ZSWIM9: variants seen among roughly 807,000 people sequenced by gnomAD.
ZSWIM9 encodes uncharacterized protein ZSWIM9.
ZSWIM9 carries 11 observed loss-of-function variants against 25.0 expected under a neutral mutation model. That is an observed-to-expected ratio of 0.44 (90% CI 0.28 to 0.73). The LOEUF is 0.73. Ranked by LOEUF, ZSWIM9 falls within the 30% of genes least tolerant of loss-of-function variation. The probability of loss-of-function intolerance (pLI) is 0.16; values close to 1 mark genes in which losing one functional copy is unlikely to be tolerated. For missense variants in ZSWIM9, 1,070 were observed against 1,296.5 expected (o/e 0.83, Z 2.68); for synonymous variants, 562 against 582.1 (o/e 0.97, Z 0.50).
chr19:48,189,537 C>A (rs1400826473), intron 3 of ZSWIM9: 1 of 153,018 alleles, frequency 6.5e-6, no homozygotes. Context: ...TACTGCACTC[C>A]AGCCTGGGCG....
rs187994333 is a variant in ZSWIM9 at position 48,178,145 on chromosome 19, G to A, written c.276-4310G>A. On this transcript the variant is annotated intron_variant, in intron 2 of 3. Coordinates refer to ENST00000614654, the MANE Select transcript of ZSWIM9 (RefSeq NM_199341.4). ...ACTCCTGACCTCAAGTGATCCGCCCGCCTTGGCCTCCCAAAGTGCTGGGAT... is the reference window on the plus strand; with the variant it reads ...ACTCCTGACCTCAAGTGATCCGCCCACCTTGGCCTCCCAAAGTGCTGGGAT... 7.2e-5 allele frequency among the ~76,000 whole-genome samples: 11 copies of A among 152,282 alleles called. No individual in the cohort carries two copies. The East Asian group carries it at 9.7e-4, about 13-fold the overall frequency.
In ZSWIM9 at chr19:48,196,963, C is replaced by T; in HGVS notation, c.*136C>T. The T allele has an allele frequency of 2.1e-6, 2 of 939,530 alleles. No homozygotes were observed. Among genetic ancestry groups the T allele is most frequent in the Admixed American group, 3.5e-5 (1 of 28,576 alleles). The allele number at this position is 939,530 out of a possible 1,614,324, so 58.2% of individuals were successfully genotyped here. A position where few individuals can be genotyped will look rare whatever the true frequency, so the allele number is the denominator to read the frequency against. On this transcript the variant is annotated 3_prime_UTR_variant, in exon 4 of 4. Coordinates refer to ENST00000614654, the MANE Select transcript of ZSWIM9 (RefSeq NM_199341.4). Reference sequence around the variant, plus strand: ...CTTCTGGGTCATCCAGGGACCTCCTCATGGCAGTTTGCCTCTCTGGGTCCA... The same window carrying T: ...CTTCTGGGTCATCCAGGGACCTCCTTATGGCAGTTTGCCTCTCTGGGTCCA...
Position 48,171,828 on chromosome 19 carries a change from G to A in ZSWIM9, c.26G>A (p.Gly9Asp), listed in dbSNP as rs1194591241. 2 of 1,533,678 alleles carry A rather than the reference G, an allele frequency of 1.3e-6. No homozygotes were observed. Among genetic ancestry groups the A allele is most frequent in the Non-Finnish European group, 1.7e-6 (2 of 1,145,948 alleles). Reference sequence around the variant, plus strand: ...ATGGAGCGGCCGGAGCCCCCACCCGGCACGGCTGCGGGGCAGGAGGAGCAG... The same window carrying A: ...ATGGAGCGGCCGGAGCCCCCACCCGACACGGCTGCGGGGCAGGAGGAGCAG... MERPEPPP[G>D]TAAGQEEQEL... Residue 9 changes from glycine to aspartate, a missense_variant, in exon 2 of 4, where the codon GGC (glycine) becomes GAC (aspartate). By Grantham distance (94) the Gly-to-Asp change is moderately conservative. Around this residue, in one of 4 missense-constraint regions of ZSWIM9, gnomAD observed 265 missense variants for 339.0 expected, o/e 0.78. Coordinates refer to ENST00000614654, the MANE Select transcript of ZSWIM9 (RefSeq NM_199341.4).
chr19:48,195,953 C>T lies in ZSWIM9; in HGVS notation c.1889C>T (p.Ala630Val). The T allele has an allele frequency of 2.3e-6, 3 of 1,308,160 alleles. No individual in the cohort carries two copies. The highest frequency in any genetic ancestry group is 2.9e-6 in the Non-Finnish European group (3 of 1,032,108). 81.0% of individuals were successfully genotyped at this position (1,308,160 alleles called of 1,614,324 possible). The change falls in exon 4 of 4, where the codon GCG (alanine) becomes GTG (valine). Residue 630 changes from alanine to valine, a missense_variant. Around this residue, in one of 4 missense-constraint regions of ZSWIM9, gnomAD observed 583 missense variants for 624.7 expected, o/e 0.93. Transcript: ENST00000614654. The surrounding 1 kb of genome is among the most constrained non-coding windows in gnomAD (Gnocchi z 5.8). ...CTTGAAGGAAGCCCCTGGAGGGGGG[C>T]GCAGCTGCACGATGAAAGGGCAGGG... ...RSLEGSPWRG[A>V]QLHDERAGGL...
At chr19:48,176,098 C>A (rs1459103597) in intron 2 of ZSWIM9, among the ~76,000 whole-genome samples, 1 of 151,950 alleles carries the variant, frequency 6.6e-6, no homozygotes, top group Non-Finnish European at 1.5e-5. Context: ...CCCAGCTACT[C>A]GGGAAGCTGA....
chr19:48,174,025 C>T lies in ZSWIM9; in HGVS notation c.275+1948C>T, dbSNP rs192630721. Among the ~76,000 whole-genome samples, 606 of 152,088 alleles carry T rather than the reference C, an allele frequency of 4.0e-3. 2 individuals carry two copies. Among genetic ancestry groups the T allele is most frequent in the African/African-American group, 0.014 (570 of 41,506 alleles). ...GTGAGCCCATGTTTCCATTGGCAGA[C>T]GGCCACCCCTCTTGGATGGGGCTTT... On this transcript the variant is annotated intron_variant, in intron 2 of 3. Coordinates refer to ENST00000614654, the MANE Select transcript of ZSWIM9 (RefSeq NM_199341.4).
intron 3 of ZSWIM9, among the ~76,000 whole-genome samples, chr19:48,186,976 G>A (rs150735462): frequency 0.011 from 1,674 of 152,224 alleles, 32 homozygotes; most frequent in African/African-American, 0.038. Context: ...ACGAGATTTG[G>A]AGGTCTAGCT....
intron 3 of ZSWIM9, among the ~76,000 whole-genome samples, chr19:48,183,620 G>A (rs1484440955): frequency 6.7e-6 from 1 of 149,090 alleles, no homozygotes; most frequent in African/African-American, 2.5e-5. Context: ...GATGACAAAT[G>A]CTATGTAAGT....
intron 3 of ZSWIM9, chr19:48,189,680 A>G (rs1373534408): frequency 1.3e-5 from 2 of 154,430 alleles, no homozygotes; most frequent in Non-Finnish European, 2.9e-5. Flanking sequence ...AATATGCTGT[A>G]TTATCTATAA....
chr19:48,175,221 G>T (rs2036880164), intron 2 of ZSWIM9, among the ~76,000 whole-genome samples: 1 of 152,212 alleles, frequency 6.6e-6, no homozygotes, highest in African/African-American at 2.4e-5. Context: ...CAGCCAAGGA[G>T]CAGGAGAGAC....
At chr19:48,177,195 A>G (rs758853833) in intron 2 of ZSWIM9, among the ~76,000 whole-genome samples, 7 of 152,204 alleles carry the variant, frequency 4.6e-5, no homozygotes, top group African/African-American at 7.2e-5. Context: ...AAAGATGAGT[A>G]GGAGTTGACT....
chr19:48,187,984 A>G (rs938239576), intron 3 of ZSWIM9, among the ~76,000 whole-genome samples: 1 of 151,346 alleles, frequency 6.6e-6, no homozygotes, highest in African/African-American at 2.4e-5. Context: ...AGATAGATAG[A>G]TAGACAGACA....
Position 48,195,363 on chromosome 19 carries a change from G to A in ZSWIM9, c.1299G>A (p.Met433Ile). 2.0e-6 allele frequency: 3 copies of A among 1,520,906 alleles called. No individual in the cohort carries two copies. The highest frequency in any genetic ancestry group is 2.0e-5 in the Admixed American group (1 of 49,230). The allele number at this position is 1,520,906 out of a possible 1,614,324, so 94.2% of individuals were successfully genotyped here. Residue 433 changes from methionine (M) to isoleucine (I), a missense_variant, in exon 4 of 4, where the codon ATG becomes ATA. Met to Ile is a conservative substitution (Grantham distance 10). Coordinates refer to ENST00000614654, the MANE Select transcript of ZSWIM9 (RefSeq NM_199341.4). The surrounding 1 kb of genome is among the most constrained non-coding windows in gnomAD (Gnocchi z 5.8). The part of the protein sequence containing the change: ...VAQCLRDLVA[M>I]QWADAAGEAV... ...AGTGCCTTCGCGACCTGGTGGCCAT[G>A]CAGTGGGCCGACGCGGCCGGGGAGG...
Position 48,196,114 on chromosome 19 carries a change from C to A in ZSWIM9, c.2050C>A (p.Pro684Thr). The A allele has an allele frequency of 8.1e-7, 1 of 1,241,162 alleles. No homozygotes were observed. Among genetic ancestry groups the A allele is most frequent in the Admixed American group, 4.2e-5 (1 of 23,928 alleles). 76.9% of individuals were successfully genotyped at this position (1,241,162 alleles called of 1,614,324 possible). A position where few individuals can be genotyped will look rare whatever the true frequency, so the allele number is the denominator to read the frequency against. The change falls in exon 4 of 4, where the codon CCC becomes ACC. Residue 684 changes from proline (P) to threonine (T), a missense_variant. Physicochemically the swap from Pro to Thr is conservative, Grantham distance 38. Around this residue, in one of 4 missense-constraint regions of ZSWIM9, gnomAD observed 583 missense variants for 624.7 expected, o/e 0.93. Transcript: ENST00000614654. ...CCCTGAGAACGGAGACCAAAGGGGA[C>A]CCCAGTGGGAAGATGAGAGGAGGAG... ...LAPENGDQRG[P>T]QWEDERRRGP...
At position 48,195,740 on chromosome 19, in the gene ZSWIM9, G is replaced by A; in HGVS notation, c.1676G>A (p.Trp559Ter). The A allele has an allele frequency of 6.7e-7, 1 of 1,484,338 alleles. No individual in the cohort carries two copies. 91.9% of individuals were successfully genotyped at this position (1,484,338 alleles called of 1,614,324 possible). A position where few individuals can be genotyped will look rare whatever the true frequency, so the allele number is the denominator to read the frequency against. ...CTGAGAGGGCCAGAGATTAGAGACT[G>A]GAGGGGGCCCCAGTTGGAGGGTGAG... ...GHLRGPEIRD[W>*]RGPQLEGEKD... The change falls in exon 4 of 4, where the codon TGG (tryptophan) becomes TAG (stop). Residue 559 changes from tryptophan to a stop codon, truncating the protein, a stop_gained. Coordinates refer to ENST00000614654, the MANE Select transcript of ZSWIM9 (RefSeq NM_199341.4). LOFTEE classifies it low-confidence loss of function (END_TRUNC). This position sits in a 1 kb window ranked among gnomAD's most constrained non-coding sequence, Gnocchi z 5.8.
At chr19:48,174,564 A>G (rs1048112322) in intron 2 of ZSWIM9, 3 of 152,184 alleles carry the variant, frequency 2.0e-5, no homozygotes, top group African/African-American at 7.2e-5. Flanking sequence ...TGTCTATCTC[A>G]TAGGTAAATT....
chr19:48,175,496 G>A (rs1268033338), intron 2 of ZSWIM9, among the ~76,000 whole-genome samples: 4 of 152,186 alleles, frequency 2.6e-5, no homozygotes, highest in Admixed American at 6.5e-5. Context: ...ACATGAGGCT[G>A]CAGTGGTGTC....
intron 3 of ZSWIM9, among the ~76,000 whole-genome samples, chr19:48,188,803 G>A (rs192525812): frequency 3.0e-3 from 462 of 152,020 alleles, no homozygotes; most frequent in African/African-American, 0.01. Context: ...AGGCTGAGGC[G>A]GGTGGATCAC....
intron 3 of ZSWIM9, among the ~76,000 whole-genome samples, chr19:48,186,238 T>G (rs2037009061): frequency 6.7e-6 from 1 of 149,736 alleles, no homozygotes; most frequent in African/African-American, 2.6e-5. Context: ...TTCCTCTTTC[T>G]GCCCCGCCAC....
Sources: gnomAD v4.1 joint callset for allele counts (sites outside exome capture counted in the v4.1 genomes callset) on GRCh38, gnomAD v4.1.1 for gene constraint, gnomAD v4.1.1 regional missense constraint, Gnocchi (gnomAD v3.1) non-coding constraint, MANE v1.5 for transcripts, NCBI Gene and HGNC (gene_info 2026-07-23, HGNC 2026-07-21) for gene names.